Variants in CAPN5 observed in about 807,000 individuals in gnomAD.
The protein encoded by CAPN5 is calpain 5, also known as calpain-5.
Under a neutral mutation model 73.0 loss-of-function variants are expected in CAPN5, and 54 were observed. The ratio of observed to expected loss-of-function variants is 0.74; its 90% CI spans 0.59 to 0.93. CAPN5 has a LOEUF of 0.93. Ranked by LOEUF, CAPN5 falls within the 40% of genes least tolerant of loss-of-function variation. The probability of loss-of-function intolerance (pLI) is 0.00; values close to 1 mark genes in which losing one functional copy is unlikely to be tolerated. For missense variants in CAPN5, 785 were observed against 882.9 expected (o/e 0.89, Z 1.41); for synonymous variants, 335 against 356.9 (o/e 0.94, Z 0.69).
chr11:77,096,613 G>C (rs140516571), intron 3 of CAPN5, among the ~76,000 whole-genome samples: 2 of 152,236 alleles, frequency 1.3e-5, no homozygotes, highest in African/African-American at 4.8e-5. Context: ...TGGACTTCAG[G>C]TGACCAGGTT....
intron 2 of CAPN5, among the ~76,000 whole-genome samples, chr11:77,091,189 C>T (rs1288321308): frequency 6.6e-6 from 1 of 152,206 alleles, no homozygotes; most frequent in Non-Finnish European, 1.5e-5. Context: ...CCCATTCTCC[C>T]TTGCAACTGC....
In CAPN5 at chr11:77,093,894, T is replaced by C. The variant is rs1950180780; in HGVS notation, c.297+81T>C. On this transcript the variant is annotated intron_variant, in intron 3 of 12. Transcript: ENST00000648180. ...CCCTCACTGCCAGACAGGCGGAACC[T>C]GATTGTGGCAGATGAGACTTTCAAA... 3 of 1,548,040 alleles carry C rather than the reference T, an allele frequency of 1.9e-6. No homozygotes were observed. The South Asian group carries it at 3.5e-5, about 18-fold the overall frequency.
In CAPN5 at chr11:77,123,994, G is replaced by A. The variant is rs1384196926; in HGVS notation, c.*124G>A. ...TCCCACTCTTCCACTGACTTGCTGT[G>A]TGACCTTAGGAAGTCTCTGCCCCTC... On this transcript the variant is annotated 3_prime_UTR_variant, in exon 13 of 13. Transcript: ENST00000648180. The A allele has an allele frequency of 2.2e-6, 2 of 903,046 alleles. No homozygotes were observed. Among genetic ancestry groups the A allele is most frequent in the Non-Finnish European group, 3.3e-6 (2 of 599,010 alleles). 55.9% of individuals were successfully genotyped at this position (903,046 alleles called of 1,614,324 possible). A position where few individuals can be genotyped will look rare whatever the true frequency, so the allele number is the denominator to read the frequency against.
chr11:77,074,428 G>A (rs1447489878), intron 1 of CAPN5, among the ~76,000 whole-genome samples: 2 of 152,040 alleles, frequency 1.3e-5, no homozygotes, highest in Non-Finnish European at 2.9e-5. Context: ...ACCCTGCTGT[G>A]CCCTTGCTGC....
rs1344618242 is a variant in CAPN5 at position 77,113,029 on chromosome 11, G to T, written c.506+232G>T. 10 of 591,806 alleles carry T rather than the reference G, an allele frequency of 1.7e-5. No homozygotes were observed. The East Asian group carries it at 2.5e-4, about 15-fold the overall frequency. The allele number at this position is 591,806 out of a possible 1,614,324, so 36.7% of individuals were successfully genotyped here. On this transcript the variant is annotated intron_variant, in intron 4 of 12. Coordinates refer to ENST00000648180, the MANE Select transcript of CAPN5 (RefSeq NM_004055.5). ...AGGAATGTTGGTTACTCCCATTTTA[G>T]GGGGAGAAGACTGAGGCCCAGGCAA...
chr11:77,123,545 G>C (rs1165058170), intron 12 of CAPN5, 143 bp from the exon 13 acceptor site: 4 of 691,898 alleles, frequency 5.8e-6, no homozygotes, highest in South Asian at 5.4e-5. Flanking sequence ...GTAGTTCATG[G>C]GGAGGCAGAC....
intron 3 of CAPN5, among the ~76,000 whole-genome samples, chr11:77,104,974 C>T (rs1950328406): frequency 1.3e-5 from 2 of 152,110 alleles, no homozygotes; most frequent in Non-Finnish European, 2.9e-5. Context: ...TGACTCACAG[C>T]TCTGGGGCCC....
At chr11:77,112,437 C>G in intron 3 of CAPN5, 152 bp from the exon 4 acceptor site, 1 of 652,906 alleles carries the variant, frequency 1.5e-6, no homozygotes, top group Non-Finnish European at 2.7e-6. Flanking sequence ...GAGGATTCAT[C>G]CGGGTCTCAC....
chr11:77,088,607 C>G (rs1012969077), intron 2 of CAPN5, among the ~76,000 whole-genome samples: 3 of 152,094 alleles, frequency 2.0e-5, no homozygotes, highest in African/African-American at 7.2e-5. Context: ...CGTGTCCTTC[C>G]CAGACCTGTT....
At chr11:77,081,455 C>A (rs1009335535) in intron 1 of CAPN5, among the ~76,000 whole-genome samples, 3 of 152,232 alleles carry the variant, frequency 2.0e-5, no homozygotes, top group African/African-American at 7.2e-5. Context: ...GTAGCCCCCC[C>A]ATACCTGGCG....
chr11:77,125,618 A>ATATG lies in CAPN5; in HGVS notation c.*1751_*1752insGTAT, dbSNP rs1266573071. The ATATG allele has an allele frequency of 8.9e-6, 1 of 112,080 alleles. No homozygotes were observed. Among genetic ancestry groups the ATATG allele is most frequent in the East Asian group, 3.4e-4 (1 of 2,962 alleles). The allele number at this position is 112,080 out of a possible 1,614,324, so 6.9% of individuals were successfully genotyped here. On this transcript the variant is annotated 3_prime_UTR_variant, in exon 13 of 13. Transcript: ENST00000648180. ...GTATCTCTGTATGCACACGCACTAT[A>ATATG]TATATATATATATATATATATACAT...
chr11:77,115,836 G>T (rs576714791), intron 6 of CAPN5, among the ~76,000 whole-genome samples: 2 of 152,264 alleles, frequency 1.3e-5, no homozygotes, highest in East Asian at 3.9e-4. Flanking sequence ...CGGGAGGGGA[G>T]CAGGGAGGGA....
intron 3 of CAPN5, among the ~76,000 whole-genome samples, chr11:77,094,167 CT>C (rs1786044700): frequency 6.6e-6 from 1 of 152,370 alleles, no homozygotes; most frequent in South Asian, 2.1e-4. Flanking sequence ...CAGGAGACCC[CT>C]GACAGACACA....
chr11:77,112,569 TC>T lies in CAPN5; in HGVS notation c.298-14del, dbSNP rs782227820. 5.7e-6 allele frequency: 9 copies of T among 1,591,438 alleles called. No individual in the cohort carries two copies. Among genetic ancestry groups the T allele is most frequent in the Non-Finnish European group, 7.7e-6 (9 of 1,161,502 alleles). ...CCCCTCACTGTGTTCCCCCATCCTA[TC>T]CCCCCTCCCCCTACCCAGGTCATCC... On this transcript the variant is annotated intron_variant, in intron 3 of 12. Coordinates refer to ENST00000648180, the MANE Select transcript of CAPN5 (RefSeq NM_004055.5).
chr11:77,096,860 C>T (rs900150761), intron 3 of CAPN5, among the ~76,000 whole-genome samples: 15 of 152,262 alleles, frequency 9.9e-5, no homozygotes, highest in African/African-American at 3.4e-4. Flanking sequence ...GCCTGGGTGT[C>T]TCTAGGAGGG....
chr11:77,107,234 A>G (rs1322580095), intron 3 of CAPN5, among the ~76,000 whole-genome samples: 3 of 152,108 alleles, frequency 2.0e-5, no homozygotes, highest in Admixed American at 6.5e-5. Context: ...GGAATCTCAG[A>G]TACTCAGGAC....
rs1202666281 is a variant in CAPN5 at position 77,112,617 on chromosome 11, G to A, written c.326G>A (p.Trp109Ter). ...ATCCCAGACTGGAAGGAGCAGGAAT[G>A]GGACCCCGAAAAGCCCAACGCCTAC... ...KVIPDWKEQE[W>*]DPEKPNAYAG... The change falls in exon 4 of 13, where the codon TGG becomes TAG. Residue 109 changes from tryptophan (W) to a stop codon, truncating the protein, a stop_gained. Coordinates refer to ENST00000648180, the MANE Select transcript of CAPN5 (RefSeq NM_004055.5). LOFTEE classifies it high-confidence loss of function. 1 of 1,613,944 alleles carries A rather than the reference G, an allele frequency of 6.2e-7. No homozygotes were observed. The highest frequency in any genetic ancestry group is 8.5e-7 in the Non-Finnish European group (1 of 1,180,016).
intron 12 of CAPN5, among the ~76,000 whole-genome samples, chr11:77,123,244 A>T (rs143815894): frequency 1.3e-5 from 2 of 152,180 alleles, no homozygotes; most frequent in Non-Finnish European, 2.9e-5. Flanking sequence ...GCATCTGTAA[A>T]CAAACATTTG....
At chr11:77,123,434 C>T (rs1188549612) in intron 12 of CAPN5, among the ~76,000 whole-genome samples, 2 of 152,140 alleles carry the variant, frequency 1.3e-5, no homozygotes, top group Non-Finnish European at 2.9e-5. Context: ...CAAGTTCACC[C>T]AAGATCAACA....
Sources: gnomAD v4.1 joint callset for allele counts (sites outside exome capture counted in the v4.1 genomes callset) on GRCh38, gnomAD v4.1.1 for gene constraint, MANE v1.5 for transcripts, NCBI Gene and HGNC (gene_info 2026-07-23, HGNC 2026-07-21) for gene names.